The following SEC24A variants were observed in gnomAD, a reference collection of about 807,000 sequenced individuals.
SEC24A encodes the protein protein transport protein Sec24A.
In SEC24A, 93 loss-of-function variants were observed where a neutral mutation model predicts 129.4. The ratio of observed to expected loss-of-function variants is 0.72; its 90% confidence interval spans 0.61 to 0.85. The LOEUF (loss-of-function observed/expected upper bound fraction) is 0.85. Among genes scored for constraint, SEC24A ranks in the 40% least tolerant of loss-of-function variants. The probability of loss-of-function intolerance (pLI) is 0.00; values close to 1 mark genes in which losing one functional copy is unlikely to be tolerated. For missense variants in SEC24A, 1,264 were observed against 1,307.4 expected (o/e 0.97, Z 0.51); for synonymous variants, 460 against 467.3 (o/e 0.98, Z 0.20).
chr5:134,721,048 A>T lies in SEC24A; in HGVS notation c.3021A>T (p.Gln1007His). 1 of 1,612,836 alleles carries T rather than the reference A, an allele frequency of 6.2e-7. No individual in the cohort carries two copies. The highest frequency in any genetic ancestry group is 8.5e-7 in the Non-Finnish European group (1 of 1,178,900). Residue 1007 changes from glutamine (Q) to histidine (H), a missense_variant, in exon 21 of 23, where the codon CAA becomes CAT. Coordinates refer to ENST00000398844, the MANE Select transcript of SEC24A (RefSeq NM_021982.3). ...ATTGTACACAGAATTTTCTCAGCCAAGTTCTAGGAGTTCAAAACTATGCAT... is the reference window on the plus strand; with the variant it reads ...ATTGTACACAGAATTTTCTCAGCCATGTTCTAGGAGTTCAAAACTATGCAT... The part of the protein sequence containing the change: ...GKNCTQNFLS[Q>H]VLGVQNYASI...
intron 18 of SEC24A, among the ~76,000 whole-genome samples, chr5:134,714,443 A>G (rs973954611): frequency 5.9e-5 from 9 of 152,200 alleles, no homozygotes; most frequent in African/African-American, 1.9e-4. Context: ...AGGAGCGCCA[A>G]CCATATTGTG....
At chr5:134,693,388 G>T (rs1751721664) in intron 12 of SEC24A, 3 of 1,351,856 alleles carry the variant, frequency 2.2e-6, no homozygotes, top group Non-Finnish European at 2.9e-6. Context: ...CAAGAATAAA[G>T]TATGTAGAGG....
At chr5:134,663,659 A>G (rs1250586055) in intron 2 of SEC24A, among the ~76,000 whole-genome samples, 1 of 152,090 alleles carries the variant, frequency 6.6e-6, no homozygotes, top group African/African-American at 2.4e-5. Context: ...CCCCATCTCT[A>G]TTTTTTTAAA....
intron 15 of SEC24A, among the ~76,000 whole-genome samples, chr5:134,698,421 T>C (rs1474130653): frequency 1.3e-5 from 2 of 151,968 alleles, no homozygotes; most frequent in South Asian, 2.1e-4. Flanking sequence ...CTGGACAACA[T>C]TGCAAAATGA....
At chr5:134,715,210 AATC>A (rs748049093) in intron 19 of SEC24A, 49 bp downstream of exon 19, 2 of 1,479,766 alleles carry the variant, frequency 1.4e-6, no homozygotes, top group Non-Finnish European at 1.9e-6. Context: ...TAGTAAGCCT[AATC>A]ATAGTCCAGT....
chr5:134,669,463 G>C (rs937544083), intron 3 of SEC24A, among the ~76,000 whole-genome samples: 3 of 149,700 alleles, frequency 2.0e-5, no homozygotes, highest in Non-Finnish European at 4.4e-5. Flanking sequence ...ACTGTGCCCG[G>C]CAGAAAAAAA....
intron 15 of SEC24A, among the ~76,000 whole-genome samples, chr5:134,699,248 CTT>C (rs990993900): frequency 2.1e-5 from 3 of 142,762 alleles, no homozygotes; most frequent in African/African-American, 7.7e-5. Flanking sequence ...TGCTTTTAAA[CTT>C]TTTTTTTTTT....
chr5:134,725,840 A>G lies in SEC24A; in HGVS notation c.*746A>G, dbSNP rs1484197098. On this transcript the variant is annotated 3_prime_UTR_variant, in exon 23 of 23. Transcript: ENST00000398844. Reference sequence around the variant, plus strand: ...AGTGAAAAGAATTTGAGCTGTCTTCATAAACACTGGGACTAGCAATGATAA... The same window carrying G: ...AGTGAAAAGAATTTGAGCTGTCTTCGTAAACACTGGGACTAGCAATGATAA... 1 of 152,538 alleles carries G rather than the reference A, an allele frequency of 6.6e-6. No homozygotes were observed. The highest frequency in any genetic ancestry group is 2.1e-4 in the South Asian group (1 of 4,838). 9.4% of individuals were successfully genotyped at this position (152,538 alleles called of 1,614,324 possible).
intron 13 of SEC24A, among the ~76,000 whole-genome samples, chr5:134,696,469 G>T (rs910253383): frequency 6.6e-6 from 1 of 151,700 alleles, no homozygotes; most frequent in Non-Finnish European, 1.5e-5. Context: ...TAAAAATAAA[G>T]GGAAAAAAAC....
chr5:134,692,723 ACTTT>A, intron 12 of SEC24A, 66 bp downstream of exon 12: 2 of 983,454 alleles, frequency 2.0e-6, no homozygotes, highest in Non-Finnish European at 3.2e-6. Flanking sequence ...TTTGAAATGA[ACTTT>A]AAGTAAAATT....
chr5:134,671,484 C>T (rs1355937771), intron 3 of SEC24A, among the ~76,000 whole-genome samples: 1 of 152,118 alleles, frequency 6.6e-6, no homozygotes, highest in Non-Finnish European at 1.5e-5. Context: ...TTATAAACTT[C>T]ATAAAGAACC....
chr5:134,663,038 A>T, intron 2 of SEC24A, among the ~76,000 whole-genome samples: 1 of 151,880 alleles, frequency 6.6e-6, no homozygotes, highest in Admixed American at 6.6e-5. Flanking sequence ...TATCTATATT[A>T]TTTTCCAGGC....
rs1408184168 is a variant in SEC24A, at chr5:134,674,644, A to G, written c.847A>G (p.Lys283Glu). ...ATPQLTNKNP[K>E]MSRSVGYSYP... ...ACCACAGCTTACTAACAAGAATCCC[A>G]AAATGAGCCGAAGTGTTGGATATTC... Residue 283 changes from lysine to glutamate, a missense_variant, in exon 5 of 23, where the codon AAA becomes GAA. Transcript: ENST00000398844. 1 of 1,613,680 alleles carries G rather than the reference A, an allele frequency of 6.2e-7. No individual in the cohort carries two copies. The highest frequency in any genetic ancestry group is 8.5e-7 in the Non-Finnish European group (1 of 1,179,780).
At chr5:134,651,427 T>A (rs1264185872) in intron 1 of SEC24A, among the ~76,000 whole-genome samples, 2 of 151,114 alleles carry the variant, frequency 1.3e-5, no homozygotes, top group African/African-American at 4.8e-5. Flanking sequence ...CCCGAGTAGC[T>A]GGGATTACAG....
At chr5:134,723,224 G>A (rs1178814616) in intron 21 of SEC24A, among the ~76,000 whole-genome samples, 2 of 152,082 alleles carry the variant, frequency 1.3e-5, no homozygotes, top group Admixed American at 6.6e-5. Context: ...CCAGCACTTC[G>A]GGAGGCCGAG....
chr5:134,720,305 A>G (rs1300867127), intron 20 of SEC24A, among the ~76,000 whole-genome samples: 1 of 152,240 alleles, frequency 6.6e-6, no homozygotes, highest in East Asian at 1.9e-4. Context: ...AGTTGCCTAC[A>G]GTATTCAGTA....
At chr5:134,716,503 G>T (rs1030623280) in intron 19 of SEC24A, among the ~76,000 whole-genome samples, 5 of 137,918 alleles carry the variant, frequency 3.6e-5, no homozygotes, top group African/African-American at 1.1e-4. Context: ...AAAATTTAAA[G>T]AATTTAATAT....
In SEC24A at chr5:134,672,588, C is replaced by G. The variant is rs1750905683; in HGVS notation, c.817+702C>G. Among the ~76,000 whole-genome samples the G allele has an allele frequency of 2.6e-5, 4 of 152,202 alleles. No individual in the cohort carries two copies. The South Asian group carries it at 8.3e-4, about 31-fold the overall frequency. ...CAAGCGATCTGCCCATTTTGCCTCC[C>G]AAAGTGCTGGGATAATAGGCATGTG... is the stretch of plus-strand genomic sequence containing the variant. On this transcript the variant is annotated intron_variant, in intron 4 of 22. Transcript: ENST00000398844.
intron 15 of SEC24A, among the ~76,000 whole-genome samples, chr5:134,699,301 C>CTTTTTTTTTTTTT (rs1208203003): frequency 7.2e-6 from 1 of 138,374 alleles, no homozygotes; most frequent in African/African-American, 2.8e-5. Flanking sequence ...CCATTTTATC[C>CTTTTTTTTTTTTT]TTTTTTTTTT....
Sources: gnomAD v4.1 joint callset for allele counts (sites outside exome capture counted in the v4.1 genomes callset) on GRCh38, gnomAD v4.1.1 for gene constraint, MANE v1.5 for transcripts, NCBI Gene and HGNC (gene_info 2026-07-23, HGNC 2026-07-21) for gene names.